PAIP1: variants seen among roughly 807,000 people sequenced by gnomAD.
PAIP1 encodes poly(A) binding protein interacting protein 1.
PAIP1 carries 16 observed loss-of-function variants against 61.3 expected under a neutral mutation model. The ratio of observed to expected loss-of-function variants is 0.26; its 90% confidence interval spans 0.18 to 0.40. The LOEUF (loss-of-function observed/expected upper bound fraction) is 0.40. PAIP1 is among the 10% of genes least tolerant of loss of function. The probability of loss-of-function intolerance (pLI) is 1.00; values close to 1 mark genes in which losing one functional copy is unlikely to be tolerated. For synonymous variants in PAIP1, 187 were observed against 226.2 expected (o/e 0.83, Z 1.56); for missense variants, 416 against 600.9 (o/e 0.69, Z 3.22).
intron 2 of PAIP1, among the ~76,000 whole-genome samples, chr5:43,551,456 CATTATA>C (rs1747863889): frequency 6.6e-6 from 1 of 152,168 alleles, no homozygotes; most frequent in South Asian, 2.1e-4. Context: ...AAAATGTTCC[CATTATA>C]AATATTGACA....
chr5:43,539,177 T>G (rs962083067), intron 4 of PAIP1, 142 bp from the exon 5 acceptor site: 1 of 595,480 alleles, frequency 1.7e-6, no homozygotes, highest in Non-Finnish European at 3.0e-6. Context: ...AAGAAACTGT[T>G]CCTGACTATT....
chr5:43,541,773 A>T (rs983749874), intron 4 of PAIP1, among the ~76,000 whole-genome samples: 15 of 147,532 alleles, frequency 1.0e-4, no homozygotes, highest in Non-Finnish European at 1.8e-4. Context: ...GTTTTCTCTA[A>T]ATTAGCTTAT....
At chr5:43,547,978 T>C in intron 2 of PAIP1, 65 bp from the exon 3 acceptor site, 3 of 993,878 alleles carry the variant, frequency 3.0e-6, no homozygotes, top group Non-Finnish European at 4.6e-6. Context: ...CAAGGTGGTA[T>C]GTCTCTAGCA....
At chr5:43,531,656 CAAAAAA>C (rs369954867) in intron 9 of PAIP1, among the ~76,000 whole-genome samples, 12 of 59,864 alleles carry the variant, frequency 2.0e-4, no homozygotes, top group East Asian at 1.5e-3. Flanking sequence ...GACTCTGTCT[CAAAAAA>C]AAAAAAAAAA....
At chr5:43,548,060 T>C (rs1246334709) in intron 2 of PAIP1, 147 bp from the exon 3 acceptor site, 1 of 577,804 alleles carries the variant, frequency 1.7e-6, no homozygotes, top group Non-Finnish European at 3.0e-6. Flanking sequence ...ATTGAGCTAT[T>C]TTTCTTCCTT....
intron 2 of PAIP1, among the ~76,000 whole-genome samples, chr5:43,553,669 T>C (rs1000654611): frequency 1.3e-5 from 2 of 152,194 alleles, no homozygotes; most frequent in African/African-American, 4.8e-5. Flanking sequence ...AAAAACTCTC[T>C]TAGCCTTAAC....
At position 43,547,906 on chromosome 5, in the gene PAIP1, T is replaced by G. The variant is rs201581258; in HGVS notation, c.443A>C (p.Tyr148Ser). Residue 148 changes from tyrosine (Y) to serine (S), a missense_variant, in exon 3 of 11, where the codon TAT becomes TCT. Physicochemically the swap from Tyr to Ser is moderately radical, Grantham distance 144. This residue lies in a region of PAIP1 where 180 missense variants were observed against 211.2 expected (regional missense o/e 0.85). Coordinates refer to ENST00000306846, the MANE Select transcript of PAIP1 (RefSeq NM_006451.5). ...AGGATAATCCTCACAACCATCCTCA[T>G]AGGATTCCTACGGATCAAAAATGAA... is the stretch of plus-strand genomic sequence containing the variant. ...SGYSSSYTES[Y>S]EDGCEDYPTL... 1.2e-6 allele frequency: 2 copies of G among 1,604,036 alleles called. No homozygotes were observed. Among genetic ancestry groups the G allele is most frequent in the Non-Finnish European group, 1.7e-6 (2 of 1,174,024 alleles).
intron 10 of PAIP1, among the ~76,000 whole-genome samples, 184 bp downstream of exon 10, chr5:43,529,602 G>C (rs1336220921): frequency 6.6e-6 from 1 of 152,172 alleles, no homozygotes. Context: ...ATGTTGGCCA[G>C]GCTGGTCTTG....
chr5:43,549,731 T>C (rs1166841664), intron 2 of PAIP1, among the ~76,000 whole-genome samples: 2 of 151,158 alleles, frequency 1.3e-5, no homozygotes, highest in Non-Finnish European at 2.9e-5. Context: ...TTTTTATTTT[T>C]ATTTTTGAGA....
rs375297911 is a variant in PAIP1 at position 43,535,620 on chromosome 5, T to A, written c.993A>T (p.Glu331Asp). ...KLLKLTGSVL[E>D]DAWKEKGKMD... is the part of the protein sequence containing the mutation. ...TCTTTCCTTTTTCCTTCCAAGCATCTTCCAAAACTGATCCTGTCAACTAAA... is the reference window on the plus strand; with the variant it reads ...TCTTTCCTTTTTCCTTCCAAGCATCATCCAAAACTGATCCTGTCAACTAAA... Residue 331 changes from glutamate to aspartate, a missense_variant, in exon 7 of 11, where the codon GAA (glutamate) becomes GAT (aspartate). Transcript: ENST00000306846. The A allele has an allele frequency of 1.4e-5, 23 of 1,591,270 alleles. No individual in the cohort carries two copies. Among genetic ancestry groups the A allele is most frequent in the Non-Finnish European group, 1.9e-5 (22 of 1,160,328 alleles).
intron 9 of PAIP1, among the ~76,000 whole-genome samples, chr5:43,531,966 G>A (rs1212507465): frequency 6.6e-6 from 1 of 152,034 alleles, no homozygotes; most frequent in African/African-American, 2.4e-5. Context: ...CTGAGAAAAG[G>A]TCAAGATTAT....
At chr5:43,549,477 G>A (rs1579926057) in intron 2 of PAIP1, among the ~76,000 whole-genome samples, 1 of 152,066 alleles carries the variant, frequency 6.6e-6, no homozygotes, top group African/African-American at 2.4e-5. Context: ...TTTATCAGGG[G>A]TTTCCGCTTT....
At chr5:43,543,209 T>G (rs575390621) in intron 3 of PAIP1, 93 bp from the exon 4 acceptor site, 2 of 567,450 alleles carry the variant, frequency 3.5e-6, no homozygotes, top group African/African-American at 3.9e-5. Context: ...AAAAATTGAC[T>G]CCCCAAACTG....
In PAIP1 at chr5:43,534,893, T is replaced by A. The variant is rs776154087; in HGVS notation, c.1157A>T (p.Tyr386Phe). The A allele has an allele frequency of 6.2e-7, 1 of 1,602,290 alleles. No homozygotes were observed. Among genetic ancestry groups the A allele is most frequent in the Non-Finnish European group, 8.5e-7 (1 of 1,169,656 alleles). Residue 386 changes from tyrosine (Y) to phenylalanine (F), a missense_variant, in exon 8 of 11, where the codon TAT (tyrosine) becomes TTT (phenylalanine). Physicochemically the swap from Tyr to Phe is conservative, Grantham distance 22. Transcript: ENST00000306846. ...ATCATTTTCTGGTGTTGCTTCTCTA[T>A]ATGTTGAAGTTGCATGGACTCTGCC... ...NWGRVHATST[Y>F]REATPENDPN...
intron 8 of PAIP1, 145 bp downstream of exon 8, chr5:43,534,708 C>T: frequency 1.7e-6 from 1 of 597,458 alleles, no homozygotes; most frequent in Non-Finnish European, 3.0e-6. Flanking sequence ...TCTTTTTTAC[C>T]CAGTCTGATG....
At chr5:43,527,822 T>C (rs1746765144) in intron 10 of PAIP1, among the ~76,000 whole-genome samples, 1 of 152,176 alleles carries the variant, frequency 6.6e-6, no homozygotes. Context: ...AATTAGAATA[T>C]AACTATTAAT....
At chr5:43,530,406 C>T (rs779156228) in intron 9 of PAIP1, among the ~76,000 whole-genome samples, 2 of 152,190 alleles carry the variant, frequency 1.3e-5, no homozygotes, top group African/African-American at 4.8e-5. Flanking sequence ...GATATTACAC[C>T]TATCTGCCAA....
Position 43,536,896 on chromosome 5 carries a change from C to T in PAIP1, c.895G>A (p.Gly299Ser). 1 of 1,583,660 alleles carries T rather than the reference C, an allele frequency of 6.3e-7. No homozygotes were observed. Residue 299 changes from glycine to serine, a missense_variant, in exon 6 of 11, where the codon GGT (glycine) becomes AGT (serine). Transcript: ENST00000306846. ...QVTRADILQV[G>S]LRELLNALFS... is the part of the protein sequence containing the mutation. ...AGGGCATTCAGCAATTCTCGAAGACCAACCTGAAGAATATCTGCTCTTGTA... is the reference window on the plus strand; with the variant it reads ...AGGGCATTCAGCAATTCTCGAAGACTAACCTGAAGAATATCTGCTCTTGTA...
At chr5:43,537,814 T>G (rs982325949) in intron 5 of PAIP1, among the ~76,000 whole-genome samples, 1 of 151,812 alleles carries the variant, frequency 6.6e-6, no homozygotes, top group Non-Finnish European at 1.5e-5. Flanking sequence ...GCCAACATGG[T>G]GAAACCCCAT....
Sources: allele counts gnomAD v4.1 joint callset (sites outside exome capture counted in the v4.1 genomes callset), GRCh38; gene constraint gnomAD v4.1.1; regional missense constraint gnomAD v4.1.1; transcripts MANE v1.5; gene names NCBI Gene and HGNC (gene_info 2026-07-23, HGNC 2026-07-21).